Variants in IQCM observed in about 807,000 individuals in gnomAD.
IQCM encodes the protein IQ motif containing M.
In IQCM, 45 loss-of-function variants were observed where a neutral mutation model predicts 57.6. The observed-to-expected ratio is 0.78, with a 90% CI of 0.62 to 1.00. The LOEUF is 1.00. Ranked by LOEUF, IQCM falls within the 50% of genes least tolerant of loss-of-function variation. IQCM has a pLI of 0.00. For synonymous variants in IQCM, 148 were observed against 158.9 expected, an observed-to-expected ratio of 0.93 and a Z score of 0.51; for missense variants, 468 against 511.6, an observed-to-expected ratio of 0.91 and a Z score of 0.82.
chr4:149,790,456 G>A (rs1267236372), intron 2 of IQCM, among the ~76,000 whole-genome samples: 3 of 152,188 alleles, frequency 2.0e-5, no homozygotes, highest in East Asian at 1.9e-4. Flanking sequence ...CAACAGCAAC[G>A]GGTTTTGGAA....
At chr4:149,397,567 C>T (rs1428148318) in intron 13 of IQCM, among the ~76,000 whole-genome samples, 2 of 151,978 alleles carry the variant, frequency 1.3e-5, no homozygotes, top group Non-Finnish European at 2.9e-5. Context: ...TTGCCTTCTG[C>T]CATGATTGTA....
rs1375824446 is a variant in IQCM at position 149,619,858 on chromosome 4, C to T, written c.681+1271G>A. Among the ~76,000 whole-genome samples the T allele has an allele frequency of 2.6e-5, 4 of 152,028 alleles. 1 individual carries two copies. Among genetic ancestry groups the T allele is most frequent in the African/African-American group, 7.2e-5 (3 of 41,404 alleles). ...ATATGACACCAGGGATGCATTAGTA[C>T]AGAAGAAAGACAACATGGCCGGGCA... is the stretch of plus-strand genomic sequence containing the variant. On this transcript the variant is annotated intron_variant, in intron 8 of 13. Coordinates refer to ENST00000636793, the MANE Select transcript of IQCM (RefSeq NM_001363507.2).
intron 8 of IQCM, among the ~76,000 whole-genome samples, chr4:149,613,062 A>T (rs962893886): frequency 2.0e-5 from 3 of 152,116 alleles, no homozygotes; most frequent in Non-Finnish European, 4.4e-5. Context: ...AAGAATTTTT[A>T]AATTTAGTAG....
chr4:149,454,167 T>A (rs868386225), intron 12 of IQCM, among the ~76,000 whole-genome samples: 1 of 144,050 alleles, frequency 6.9e-6, no homozygotes, highest in Non-Finnish European at 1.5e-5. Flanking sequence ...TATATATATA[T>A]ACACACACAC....
At chr4:149,653,661 A>C (rs527713990) in intron 7 of IQCM, among the ~76,000 whole-genome samples, 1 of 152,212 alleles carries the variant, frequency 6.6e-6, no homozygotes, top group East Asian at 1.9e-4. Flanking sequence ...TGTGACATTA[A>C]ATTTTTAAAT....
intron 7 of IQCM, among the ~76,000 whole-genome samples, chr4:149,659,594 C>A (rs542895152): frequency 1.3e-4 from 20 of 152,210 alleles, no homozygotes; most frequent in Admixed American, 1.3e-3. Flanking sequence ...TACAAGGCTA[C>A]AGTAACCAAA....
chr4:149,485,507 T>C (rs1741380683), intron 12 of IQCM, among the ~76,000 whole-genome samples: 1 of 151,906 alleles, frequency 6.6e-6, no homozygotes, highest in African/African-American at 2.4e-5. Flanking sequence ...GAGACTCTGA[T>C]TCATTCTTCT....
At chr4:149,687,851 C>T (rs1256337033) in intron 5 of IQCM, among the ~76,000 whole-genome samples, 1 of 151,920 alleles carries the variant, frequency 6.6e-6, no homozygotes, top group Non-Finnish European at 1.5e-5. Context: ...ACAAAAATCA[C>T]ATGATCATCT....
intron 8 of IQCM, among the ~76,000 whole-genome samples, chr4:149,603,419 A>G (rs1303417337): frequency 6.6e-6 from 1 of 152,190 alleles, no homozygotes; most frequent in African/African-American, 2.4e-5. Flanking sequence ...TATGGCATCA[A>G]TTGTTTTATA....
chr4:149,405,817 CT>C (rs1732932015), intron 13 of IQCM, among the ~76,000 whole-genome samples: 3 of 143,948 alleles, frequency 2.1e-5, no homozygotes, highest in Admixed American at 1.4e-4. Flanking sequence ...AAATTTTCAC[CT>C]CCTAAGGAGC....
At chr4:149,790,117 AT>A in intron 2 of IQCM, 1 of 680,380 alleles carries the variant, frequency 1.5e-6, no homozygotes, top group Non-Finnish European at 2.3e-6. Context: ...AACAGCCCTT[AT>A]TTACTCTATG....
intron 8 of IQCM, among the ~76,000 whole-genome samples, chr4:149,608,052 T>C (rs1754952646): frequency 6.6e-6 from 1 of 151,196 alleles, no homozygotes; most frequent in Admixed American, 6.6e-5. Flanking sequence ...TAGACACACA[T>C]AGACTTAAAA....
rs12502213 is a variant in IQCM, at chr4:149,779,758, T to C, written c.-49+35553A>G. ...ACAGAGTCTCCAAATATGCATTTGA[T>C]TTTTGAATATCCCATAAATATGTTT... On this transcript the variant is annotated intron_variant, in intron 2 of 13. Coordinates refer to ENST00000636793, the MANE Select transcript of IQCM (RefSeq NM_001363507.2). Among the ~76,000 whole-genome samples, 512 of 152,292 alleles carry C rather than the reference T, an allele frequency of 3.4e-3. 24 individuals are homozygous for C. The highest frequency in any genetic ancestry group is 0.031 in the Admixed American group (478 of 15,296).
rs1253473752 is a variant in IQCM, at chr4:149,686,441, G to C, written c.413C>G (p.Thr138Ser). ...KGQVKLDKIM[T>S]IIEPVSKKME... ...TTTTTTACTCACTGGTTCAATAATAGTCATGATTTTATCCAATTTAACTTG... is the reference window on the plus strand; with the variant it reads ...TTTTTTACTCACTGGTTCAATAATACTCATGATTTTATCCAATTTAACTTG... Residue 138 changes from threonine (T) to serine (S), a missense_variant, in exon 6 of 14, where the codon ACT (threonine) becomes AGT (serine). By Grantham distance (58) the Thr-to-Ser change is moderately conservative (BLOSUM62 1). Coordinates refer to ENST00000636793, the MANE Select transcript of IQCM (RefSeq NM_001363507.2). 1 of 1,226,876 alleles carries C rather than the reference G, an allele frequency of 8.2e-7. No homozygotes were observed. The highest frequency in any genetic ancestry group is 4.2e-5 in the Admixed American group (1 of 23,552). The allele number at this position is 1,226,876 out of a possible 1,614,324, so 76.0% of individuals were successfully genotyped here. A position where few individuals can be genotyped will look rare whatever the true frequency, so the allele number is the denominator to read the frequency against.
At chr4:149,651,912 A>G (rs1759216868) in intron 7 of IQCM, among the ~76,000 whole-genome samples, 1 of 152,174 alleles carries the variant, frequency 6.6e-6, no homozygotes, top group Non-Finnish European at 1.5e-5. Context: ...GAGGATTTAG[A>G]AAAAGAAATA....
chr4:149,700,676 G>A (rs1169264164), intron 5 of IQCM, among the ~76,000 whole-genome samples: 8 of 151,950 alleles, frequency 5.3e-5, no homozygotes, highest in African/African-American at 1.9e-4. Context: ...ATTTGAGTCA[G>A]TAGACTCAGC....
chr4:149,405,096 A>C (rs554261465), intron 13 of IQCM, among the ~76,000 whole-genome samples: 2 of 152,134 alleles, frequency 1.3e-5, no homozygotes, highest in East Asian at 1.9e-4. Context: ...TGTCTGGTAA[A>C]TTTTCATGTC....
Position 149,560,487 on chromosome 4 carries a change from A to G in IQCM, c.948+3205T>C, listed in dbSNP as rs183086546. On this transcript the variant is annotated intron_variant, in intron 10 of 13. Transcript: ENST00000636793. The stretch of plus-strand genomic sequence containing the variant: ...GAGAAAAATATTGAAATTAAGTAAG[A>G]GCCTAGAAGCATTACATCGAGGGAC... Among the ~76,000 whole-genome samples the G allele has an allele frequency of 1.6e-3, 237 of 152,282 alleles. 1 individual carries two copies. The highest frequency in any genetic ancestry group is 5.5e-3 in the African/African-American group (230 of 41,574).
Position 149,766,640 on chromosome 4 carries a change from C to G in IQCM, c.-48-23901G>C, listed in dbSNP as rs555045103. On this transcript the variant is annotated intron_variant, in intron 2 of 13. Coordinates refer to ENST00000636793, the MANE Select transcript of IQCM (RefSeq NM_001363507.2). ...AGAAAATAAAGCCCATTTTATTGTC[C>G]CCACAGGTCGTATGGTCTTTTGTTA... Among the ~76,000 whole-genome samples the G allele has an allele frequency of 1.9e-4, 29 of 152,154 alleles. 1 individual carries two copies. Among genetic ancestry groups the G allele is most frequent in the Middle Eastern group, 6.8e-3 (2 of 294 alleles).
Sources: allele counts gnomAD v4.1 joint callset (sites outside exome capture counted in the v4.1 genomes callset), GRCh38; gene constraint gnomAD v4.1.1; transcripts MANE v1.5; gene names NCBI Gene and HGNC (gene_info 2026-07-23, HGNC 2026-07-21).